Variants in FERMT3 observed in about 807,000 individuals in gnomAD.
The protein encoded by FERMT3 is FERM domain containing kindlin 3, also known as fermitin family homolog 3.
A neutral mutation model predicts 80.8 loss-of-function variants in FERMT3; 33 were observed. That is an observed-to-expected ratio of 0.41 (90% CI 0.31 to 0.55). FERMT3 has a LOEUF of 0.55. FERMT3 is among the 20% of genes least tolerant of loss of function. The pLI is 0.31. For missense variants in FERMT3, 754 were observed against 908.7 expected (o/e 0.83, Z 2.19); for synonymous variants, 375 against 372.2 (o/e 1.01, Z -0.09).
intron 6 of FERMT3, among the ~76,000 whole-genome samples, chr11:64,216,515 C>T (rs187034335): frequency 0.013 from 1,839 of 138,010 alleles, 26 homozygotes; most frequent in South Asian, 0.093. Context: ...AGGATTTTTT[C>T]GCCGGGCGCG....
In FERMT3 at chr11:64,219,374, G is replaced by A. The variant is rs747695131; in HGVS notation, c.894+16G>A. ...CGCCCTGCAGGTACCAGGCGGGCCT[G>A]GGGGCACCAGGGCAGGTGGGAGGTG... On this transcript the variant is annotated intron_variant, in intron 7 of 14. Coordinates refer to ENST00000345728, the MANE Select transcript of FERMT3 (RefSeq NM_031471.6). This position sits in a 1 kb window ranked among gnomAD's most constrained non-coding sequence, Gnocchi z 4.0. The A allele has an allele frequency of 5.7e-6, 9 of 1,579,616 alleles. No individual in the cohort carries two copies. The Admixed American group carries it at 1.5e-4, about 26-fold the overall frequency.
At chr11:64,223,259 G>C (rs550678247) in intron 14 of FERMT3, 54 bp from the exon 15 acceptor site, 3 of 1,612,750 alleles carry the variant, frequency 1.9e-6, no homozygotes, top group Admixed American at 1.7e-5. Flanking sequence ...CCAGGGTGGG[G>C]CAGGGGCTGC....
Position 64,223,625 on chromosome 11 carries a change from CTT to C in FERMT3, c.*135_*136del. The stretch of plus-strand genomic sequence containing the variant: ...TGGGCATTTCACCTGCTGTCACTGA[CTT>C]TGTGCAGGCCAAGGACCTGGCAGGG... On this transcript the variant is annotated 3_prime_UTR_variant, in exon 15 of 15. Transcript: ENST00000345728. 1.7e-6 allele frequency: 2 copies of C among 1,148,670 alleles called. No individual in the cohort carries two copies. The allele number at this position is 1,148,670 out of a possible 1,614,324, so 71.2% of individuals were successfully genotyped here. A position where few individuals can be genotyped will look rare whatever the true frequency, so the allele number is the denominator to read the frequency against.
intron 13 of FERMT3, 53 bp from the exon 14 acceptor site, chr11:64,222,995 G>T: frequency 1.2e-6 from 2 of 1,610,090 alleles, no homozygotes; most frequent in Non-Finnish European, 8.5e-7. Flanking sequence ...GTCTGGGCGG[G>T]CTCTGGCCAT....
At chr11:64,216,660 G>A (rs541739268) in intron 6 of FERMT3, among the ~76,000 whole-genome samples, 4 of 151,198 alleles carry the variant, frequency 2.6e-5, no homozygotes, top group East Asian at 4.0e-4. Flanking sequence ...GCCGGGCGTG[G>A]TGGTGGGCGC....
intron 2 of FERMT3, chr11:64,207,839 C>T: frequency 3.5e-6 from 1 of 283,552 alleles, no homozygotes; most frequent in South Asian, 4.7e-5. Context: ...TTGCTGAGGT[C>T]TGAGGGGGTC....
In FERMT3 at chr11:64,223,116, C is replaced by T. The variant is rs1184632125; in HGVS notation, c.1739C>T (p.Ala580Val). Reference sequence around the variant, plus strand: ...AACCGACTGATCCGCATCGACTTGGCCGTGGGCGACGTGGTCAAGACCTGG... The same window carrying T: ...AACCGACTGATCCGCATCGACTTGGTCGTGGGCGACGTGGTCAAGACCTGG... ...ANNRLIRIDL[A>V]VGDVVKTWRF... is the part of the protein sequence containing the mutation. Residue 580 changes from alanine to valine, a missense_variant, in exon 14 of 15, where the codon GCC becomes GTC. Transcript: ENST00000345728. The T allele has an allele frequency of 6.2e-7, 1 of 1,613,930 alleles. No homozygotes were observed. The highest frequency in any genetic ancestry group is 1.1e-5 in the South Asian group (1 of 91,084).
At chr11:64,205,996 C>T (rs1946305095), upstream of FERMT3, among the ~76,000 whole-genome samples, 1 of 152,164 alleles carries the variant, frequency 6.6e-6, no homozygotes, top group African/African-American at 2.4e-5. Flanking sequence ...AGGTGATGAG[C>T]AGGAGGGTAT....
At chr11:64,220,955 C>T in intron 12 of FERMT3, 61 bp from the exon 13 acceptor site, 1 of 1,587,904 alleles carries the variant, frequency 6.3e-7, no homozygotes. Context: ...GAGGTGGGGG[C>T]TCGGTGACTC....
intron 6 of FERMT3, among the ~76,000 whole-genome samples, chr11:64,213,958 GT>G (rs1946496640): frequency 6.6e-6 from 1 of 152,074 alleles, no homozygotes; most frequent in Non-Finnish European, 1.5e-5. Context: ...TTGTAAGAAG[GT>G]TTCACTGTCT....
At chr11:64,209,991 T>A (rs1946400834) in intron 2 of FERMT3, among the ~76,000 whole-genome samples, 1 of 152,222 alleles carries the variant, frequency 6.6e-6, no homozygotes, top group Non-Finnish European at 1.5e-5. Context: ...TGGATCGTCA[T>A]GTGCGTGCAC....
intron 10 of FERMT3, 55 bp from the exon 11 acceptor site, chr11:64,220,165 C>G: frequency 6.3e-7 from 1 of 1,581,684 alleles, no homozygotes; most frequent in Non-Finnish European, 8.7e-7. Flanking sequence ...CACTCCAGGA[C>G]CTCAGGCGGC....
chr11:64,222,976 C>G (rs559488063), intron 13 of FERMT3, 72 bp from the exon 14 acceptor site: 7 of 1,597,136 alleles, frequency 4.4e-6, no homozygotes, highest in East Asian at 2.2e-5. Flanking sequence ...TCCAGCACGG[C>G]GCCACATTGT....
intron 6 of FERMT3, among the ~76,000 whole-genome samples, chr11:64,212,050 T>G (rs1201193996): frequency 6.6e-6 from 1 of 151,938 alleles, no homozygotes; most frequent in Non-Finnish European, 1.5e-5. Context: ...TCATAGACAG[T>G]GTGTGTGTGG....
chr11:64,220,378 C>T (rs747163907), intron 11 of FERMT3, 52 bp downstream of exon 11: 9 of 1,608,334 alleles, frequency 5.6e-6, no homozygotes, highest in Middle Eastern at 1.7e-4. Flanking sequence ...GGGGCAGGGG[C>T]AGGGGCTGAG....
intron 2 of FERMT3, among the ~76,000 whole-genome samples, chr11:64,209,621 A>C (rs1946392948): frequency 6.6e-6 from 1 of 152,166 alleles, no homozygotes; most frequent in Non-Finnish European, 1.5e-5. Context: ...CCAGGAGGGA[A>C]GGGCCCAGCC....
In FERMT3 at chr11:64,210,122, A is replaced by G. The variant is rs2134839304; in HGVS notation, c.161-489A>G. 6.6e-6 allele frequency among the ~76,000 whole-genome samples: 1 copy of G among 152,348 alleles called. No homozygotes were observed. The highest frequency in any genetic ancestry group is 2.1e-4 in the South Asian group (1 of 4,832). On this transcript the variant is annotated intron_variant, in intron 2 of 14. Transcript: ENST00000345728. This position sits in a 1 kb window ranked among gnomAD's most constrained non-coding sequence, Gnocchi z 4.3. ...CCAGTGAGGTTAAGTGGCTTGTCCA[A>G]GGTCACACAGCTAATAGCTAAAAAT...
At chr11:64,213,555 ATTTTT>A (rs34872967) in intron 6 of FERMT3, among the ~76,000 whole-genome samples, 1 of 120,708 alleles carries the variant, frequency 8.3e-6, no homozygotes. Flanking sequence ...GCCTGGCCTA[ATTTTT>A]TTTTTTTTTT....
chr11:64,215,553 A>G (rs563624196), intron 6 of FERMT3, among the ~76,000 whole-genome samples: 21 of 152,120 alleles, frequency 1.4e-4, no homozygotes, highest in Non-Finnish European at 2.1e-4. Context: ...ATTTTAATAG[A>G]ACCAAATTTA....
Sources: gnomAD v4.1 joint callset for allele counts (sites outside exome capture counted in the v4.1 genomes callset) on GRCh38, gnomAD v4.1.1 for gene constraint, Gnocchi (gnomAD v3.1) non-coding constraint, MANE v1.5 for transcripts, NCBI Gene and HGNC (gene_info 2026-07-23, HGNC 2026-07-21) for gene names.